The following LOC400499 variants were observed in gnomAD, a reference collection of about 807,000 sequenced individuals.
chr16:11,435,727 G>A, the LOC400499 span: 1 of 399,130 alleles, frequency 2.5e-6, no homozygotes, highest in Non-Finnish European at 4.4e-6. Context: ...GGACAGCCTG[G>A]TGGAGAAGGA....
the LOC400499 span, chr16:11,407,344 CAG>C: frequency 2.9e-6 from 1 of 339,218 alleles, no homozygotes; most frequent in Non-Finnish European, 5.1e-6. Flanking sequence ...GTAGCTGGGT[CAG>C]AAAAAAAAAA....
At chr16:11,421,832 GAAAAGTT>G in the LOC400499 span, among the ~76,000 whole-genome samples, 1 of 152,188 alleles carries the variant, frequency 6.6e-6, no homozygotes, top group Non-Finnish European at 1.5e-5. Context: ...CTGGGGTGTT[GAAAAGTT>G]CTGGAACTTG....
the LOC400499 span, among the ~76,000 whole-genome samples, chr16:11,439,855 C>T: frequency 1.3e-5 from 2 of 151,944 alleles, no homozygotes; most frequent in Admixed American, 1.3e-4. Flanking sequence ...CTCCCACAGC[C>T]ACACCACCTT....
the LOC400499 span, among the ~76,000 whole-genome samples, chr16:11,468,069 C>T: frequency 6.6e-6 from 1 of 152,100 alleles, no homozygotes; most frequent in Admixed American, 6.6e-5. Flanking sequence ...CAGATCCTCC[C>T]TGACAGCCTT....
the LOC400499 span, chr16:11,411,154 G>T: frequency 2.5e-5 from 10 of 398,600 alleles, no homozygotes; most frequent in Admixed American, 4.4e-4. Flanking sequence ...AGATGTGCAT[G>T]TATTAACACT....
At chr16:11,515,462 A>AATAC in the LOC400499 span, among the ~76,000 whole-genome samples, 3 of 151,538 alleles carry the variant, frequency 2.0e-5, no homozygotes, top group Non-Finnish European at 4.4e-5. Context: ...CCTCTAAGGA[A>AATAC]ATACATACAT....
chr16:11,459,022 G>A, the LOC400499 span, among the ~76,000 whole-genome samples: 1 of 151,332 alleles, frequency 6.6e-6, no homozygotes, highest in Non-Finnish European at 1.5e-5. Context: ...GGGCGACAGA[G>A]CGAGACTCCA....
the LOC400499 span, among the ~76,000 whole-genome samples, chr16:11,427,238 C>T: frequency 6.6e-6 from 1 of 151,332 alleles, no homozygotes; most frequent in East Asian, 1.9e-4. Flanking sequence ...TGGCGCTTGC[C>T]TGTAATCCCA....
At chr16:11,522,498 T>C in the LOC400499 span, among the ~76,000 whole-genome samples, 20 of 152,162 alleles carry the variant, frequency 1.3e-4, no homozygotes, top group African/African-American at 3.9e-4. Flanking sequence ...CCCAGCCCAG[T>C]TGTGACAACC....
At chr16:11,514,496 G>GC in the LOC400499 span, 1 of 399,660 alleles carries the variant, frequency 2.5e-6, no homozygotes, top group African/African-American at 2.1e-5. Context: ...CAGCACTCCG[G>GC]CCCGGAAGCT....
the LOC400499 span, chr16:11,417,524 C>T: frequency 1.3e-5 from 5 of 397,952 alleles, no homozygotes; most frequent in Non-Finnish European, 2.2e-5. Flanking sequence ...CAGAGCCACA[C>T]TGGACTTGAC....
the LOC400499 span, among the ~76,000 whole-genome samples, chr16:11,381,532 T>C: frequency 3.9e-5 from 6 of 152,340 alleles, no homozygotes; most frequent in East Asian, 1.9e-4. Context: ...ATAGAGTCTT[T>C]CAGACAGCAA....
the LOC400499 span, among the ~76,000 whole-genome samples, chr16:11,518,691 T>A: frequency 6.6e-6 from 1 of 152,116 alleles, no homozygotes; most frequent in East Asian, 1.9e-4. Context: ...GCGGTCTTCA[T>A]CGGTGCTTGA....
chr16:11,450,657 G>A, the LOC400499 span: 27 of 1,536,130 alleles, frequency 1.8e-5, no homozygotes, highest in Non-Finnish European at 2.1e-5. Context: ...TGCCTTCCCT[G>A]TTGGGGCCCT....
chr16:11,516,262 C>T, the LOC400499 span: 1 of 399,576 alleles, frequency 2.5e-6, no homozygotes, highest in Non-Finnish European at 4.4e-6. Context: ...GGGCCACACG[C>T]CCAGAGTGCA....
the LOC400499 span, among the ~76,000 whole-genome samples, chr16:11,518,666 G>T: frequency 6.6e-6 from 1 of 152,158 alleles, no homozygotes; most frequent in East Asian, 1.9e-4. Context: ...GCTTCTACAT[G>T]AAGGCAGCCC....
the LOC400499 span, among the ~76,000 whole-genome samples, chr16:11,470,252 T>C: frequency 8.3e-4 from 127 of 152,238 alleles, no homozygotes; most frequent in African/African-American, 2.9e-3. Context: ...GTCCCCCAGC[T>C]TCTGCAAGCT....
At chr16:11,386,529 A>C in the LOC400499 span, among the ~76,000 whole-genome samples, 7 of 152,198 alleles carry the variant, frequency 4.6e-5, no homozygotes, top group Non-Finnish European at 8.8e-5. Flanking sequence ...ACTCCTTGCC[A>C]AGCCTGGGTA....
chr16:11,500,717 A>C, the LOC400499 span: 1 of 397,602 alleles, frequency 2.5e-6, no homozygotes, highest in African/African-American at 2.1e-5. Context: ...GCTGGCACAA[A>C]AGAACTGATC....
Sources: allele counts gnomAD v4.1 joint callset (sites outside exome capture counted in the v4.1 genomes callset), GRCh38; gene constraint gnomAD v4.1.1; transcripts MANE v1.5.